CBLB: variants seen among roughly 807,000 people sequenced by gnomAD.
CBLB encodes Cbl proto-oncogene B, also known as E3 ubiquitin-protein ligase CBL-B.
A neutral mutation model predicts 104.9 loss-of-function variants in CBLB; 31 were observed. That is an observed-to-expected ratio of 0.30 (90% confidence interval 0.22 to 0.40). The LOEUF (loss-of-function observed/expected upper bound fraction) is 0.40, where lower values mean the gene tolerates loss of function less well. Among genes scored for constraint, CBLB ranks in the 10% least tolerant of loss-of-function variants. The probability of loss-of-function intolerance (pLI) is 1.00; values close to 1 mark genes in which losing one functional copy is unlikely to be tolerated. For missense variants in CBLB, 1,062 were observed against 1,214.6 expected, an observed-to-expected ratio of 0.87 and a Z score of 1.87; for synonymous variants, 440 against 422.6, an observed-to-expected ratio of 1.04 and a Z score of -0.51.
intron 3 of CBLB, among the ~76,000 whole-genome samples, chr3:105,783,466 T>G (rs1336103693): frequency 6.6e-6 from 1 of 152,160 alleles, no homozygotes; most frequent in Non-Finnish European, 1.5e-5. Flanking sequence ...TCAATTATCA[T>G]GATGGCCTTG....
intron 2 of CBLB, among the ~76,000 whole-genome samples, chr3:105,858,624 T>C (rs1406604106): frequency 6.6e-6 from 1 of 152,246 alleles, no homozygotes; most frequent in Non-Finnish European, 1.5e-5. Flanking sequence ...AATATTGCTC[T>C]TTTCTGTTGA....
intron 3 of CBLB, among the ~76,000 whole-genome samples, chr3:105,820,120 C>G (rs2153055753): frequency 6.6e-6 from 1 of 152,288 alleles, no homozygotes; most frequent in African/African-American, 2.4e-5. Context: ...AGTGACAGAT[C>G]ATCAGGCACT....
At chr3:105,748,827 A>G (rs1389507636) in intron 5 of CBLB, among the ~76,000 whole-genome samples, 2 of 151,940 alleles carry the variant, frequency 1.3e-5, no homozygotes, top group African/African-American at 4.8e-5. Context: ...CTGCCCCCCC[A>G]CTGGCTCCTT....
At chr3:105,780,669 T>TTTTTTTTTTTTG (rs2080134019) in intron 3 of CBLB, among the ~76,000 whole-genome samples, 1 of 131,770 alleles carries the variant, frequency 7.6e-6, no homozygotes, top group African/African-American at 2.8e-5. Context: ...TGTTTTTTTT[T>TTTTTTTTTTTTG]TTTTTTTTTT....
chr3:105,838,249 ATTTTTTTTTTTTT>A (rs55769611), intron 3 of CBLB, among the ~76,000 whole-genome samples: 21 of 55,996 alleles, frequency 3.8e-4, no homozygotes, highest in Admixed American at 1.2e-3. Context: ...ACACCTGGCT[ATTTTTTTTTTTTT>A]TTTTTTTTTT....
intron 4 of CBLB, among the ~76,000 whole-genome samples, chr3:105,752,685 G>A (rs2076700151): frequency 6.6e-6 from 1 of 152,090 alleles, no homozygotes; most frequent in Non-Finnish European, 1.5e-5. Context: ...CCTCTTCAAT[G>A]AGATATCACC....
Position 105,693,605 on chromosome 3 carries a change from T to C in CBLB, c.1960-17A>G, listed in dbSNP as rs1329250331. 4 of 1,563,468 alleles carry C rather than the reference T, an allele frequency of 2.6e-6. No individual in the cohort carries two copies. Among genetic ancestry groups the C allele is most frequent in the Non-Finnish European group, 3.5e-6 (4 of 1,135,134 alleles). ...GGAAAAGACCTGAAAGTAAATCAAA[T>C]TGTTAGTTTCCAAGAATTTAACTTC... On this transcript the variant is annotated splice_polypyrimidine_tract_variant and intron_variant, in intron 12 of 18. Coordinates refer to ENST00000394030, the MANE Select transcript of CBLB (RefSeq NM_170662.5).
intron 2 of CBLB, among the ~76,000 whole-genome samples, chr3:105,854,097 C>T (rs951062084): frequency 1.3e-5 from 2 of 152,106 alleles, no homozygotes; most frequent in African/African-American, 4.8e-5. Flanking sequence ...TGTTAATTAG[C>T]GTTTTGGTGT....
intron 4 of CBLB, among the ~76,000 whole-genome samples, chr3:105,757,360 T>A (rs985550589): frequency 3.3e-5 from 5 of 152,176 alleles, no homozygotes; most frequent in African/African-American, 1.2e-4. Context: ...AGCCAGTTTT[T>A]TCCAAAAGAG....
rs77051292 is a variant in CBLB at position 105,695,206 on chromosome 3, C to T, written c.1960-1618G>A. Among the ~76,000 whole-genome samples the T allele has an allele frequency of 2.3e-3, 354 of 151,682 alleles. 2 individuals carry two copies. Among genetic ancestry groups the T allele is most frequent in the African/African-American group, 8.3e-3 (343 of 41,434 alleles). The stretch of plus-strand genomic sequence containing the variant: ...GTTTGTTATTTTAGGACAAAGCATC[C>T]AACATAGATAGATGCTTAATAAAAT... On this transcript the variant is annotated intron_variant, in intron 12 of 18. Transcript: ENST00000394030.
intron 4 of CBLB, among the ~76,000 whole-genome samples, chr3:105,757,580 CTA>C (rs929099234): frequency 6.6e-6 from 1 of 152,148 alleles, no homozygotes; most frequent in Admixed American, 6.5e-5. Flanking sequence ...ATTTCTCACT[CTA>C]TATGTATGAT....
chr3:105,792,456 C>G (rs908255077), intron 3 of CBLB, among the ~76,000 whole-genome samples: 4 of 152,158 alleles, frequency 2.6e-5, no homozygotes, highest in African/African-American at 7.2e-5. Flanking sequence ...ATGGGACTTT[C>G]ATTTGTCATC....
Position 105,702,381 on chromosome 3 carries a change from G to A in CBLB, c.1672C>T (p.Pro558Ser), listed in dbSNP as rs778785703. The change falls in exon 12 of 19, where the codon CCA (proline) becomes TCA (serine). Residue 558 changes from proline (P) to serine (S), a missense_variant. This residue lies in a region of CBLB where 605 missense variants were observed against 582.6 expected (regional missense o/e 1.04). Coordinates refer to ENST00000394030, the MANE Select transcript of CBLB (RefSeq NM_170662.5). ...PPPLRDPPPPPPERPPPIPPD... is the reference protein window; with the variant it reads ...PPPLRDPPPPSPERPPPIPPD... The stretch of plus-strand genomic sequence containing the variant: ...GGGATTGGTGGAGGTCTTTCAGGTG[G>A]CGGTGGAGGAGGATCTCTTAAGGGA... 10 of 1,613,416 alleles carry A rather than the reference G, an allele frequency of 6.2e-6. No homozygotes were observed. In the East Asian group the frequency reaches 2.2e-4, roughly 36 times the overall value.
intron 6 of CBLB, among the ~76,000 whole-genome samples, chr3:105,744,573 A>G (rs1204233077): frequency 6.6e-6 from 1 of 152,198 alleles, no homozygotes; most frequent in African/African-American, 2.4e-5. Flanking sequence ...TAAAAAGACA[A>G]AAATATGGAA....
chr3:105,752,137 G>A (rs2076649040), intron 4 of CBLB, among the ~76,000 whole-genome samples: 1 of 152,076 alleles, frequency 6.6e-6, no homozygotes, highest in South Asian at 2.1e-4. Context: ...CTGCAGAGAT[G>A]AAAAACATAC....
Position 105,831,308 on chromosome 3 carries a change from G to A in CBLB, c.419+22106C>T, listed in dbSNP as rs972015544. The stretch of plus-strand genomic sequence containing the variant: ...TCTTCCATGACATCTTTTCCTGCCT[G>A]TATCTCCTACCTGAGCATTAGCTTG... On this transcript the variant is annotated intron_variant, in intron 3 of 18. Transcript: ENST00000394030. Among the ~76,000 whole-genome samples, 9 of 152,136 alleles carry A rather than the reference G, an allele frequency of 5.9e-5. 1 individual carries two copies. In the East Asian group the frequency reaches 1.7e-3, roughly 29 times the overall value.
chr3:105,777,111 G>A (rs1005919841), intron 3 of CBLB, among the ~76,000 whole-genome samples: 15 of 152,188 alleles, frequency 9.9e-5, no homozygotes, highest in African/African-American at 3.4e-4. Flanking sequence ...TTGGCACAGT[G>A]AAAGCAGAGC....
chr3:105,708,385 A>T (rs1421003311), intron 10 of CBLB, among the ~76,000 whole-genome samples: 5 of 152,116 alleles, frequency 3.3e-5, no homozygotes, highest in Admixed American at 1.3e-4. Context: ...GACCAAATAC[A>T]TAAGTATAAA....
At chr3:105,791,285 C>T (rs1008962631) in intron 3 of CBLB, among the ~76,000 whole-genome samples, 1 of 152,126 alleles carries the variant, frequency 6.6e-6, no homozygotes, top group Non-Finnish European at 1.5e-5. Flanking sequence ...GAGTCTCAGC[C>T]CCTGGTGTAT....
Sources: gnomAD v4.1 joint callset for allele counts (sites outside exome capture counted in the v4.1 genomes callset) on GRCh38, gnomAD v4.1.1 for gene constraint, gnomAD v4.1.1 regional missense constraint, MANE v1.5 for transcripts, NCBI Gene and HGNC (gene_info 2026-07-23, HGNC 2026-07-21) for gene names.